The following SORCS1 variants were observed in gnomAD, a reference collection of about 807,000 sequenced individuals.
The protein encoded by SORCS1 is VPS10 domain-containing receptor SorCS1.
In SORCS1, 60 loss-of-function variants were observed where a neutral mutation model predicts 146.1. The ratio of observed to expected loss-of-function variants is 0.41; its 90% CI spans 0.33 to 0.51. The LOEUF (loss-of-function observed/expected upper bound fraction) is 0.51, where lower values mean the gene tolerates loss of function less well. Among genes scored for constraint, SORCS1 ranks in the 20% least tolerant of loss-of-function variants. The pLI is 0.21. For synonymous variants in SORCS1, 637 were observed against 584.0 expected (o/e 1.09, Z -1.31); for missense variants, 1,352 against 1,487.6 (o/e 0.91, Z 1.50).
intron 18 of SORCS1, among the ~76,000 whole-genome samples, chr10:106,641,918 T>G (rs2133682235): frequency 6.6e-6 from 1 of 152,296 alleles, no homozygotes; most frequent in South Asian, 2.1e-4. Flanking sequence ...GAGGTCCTAG[T>G]CAAACCAAAA....
At chr10:107,084,528 AAAG>A (rs921881885) in intron 1 of SORCS1, among the ~76,000 whole-genome samples, 11 of 152,166 alleles carry the variant, frequency 7.2e-5, no homozygotes, top group Non-Finnish European at 1.6e-4. Flanking sequence ...TGGGAAGAGA[AAAG>A]AGGGGAGAGA....
At chr10:106,743,993 G>A (rs898829495) in intron 5 of SORCS1, among the ~76,000 whole-genome samples, 4 of 152,012 alleles carry the variant, frequency 2.6e-5, no homozygotes, top group East Asian at 1.9e-4. Context: ...CGTAACACAC[G>A]ATGTAATATT....
At chr10:106,711,951 G>C (rs776365397) in intron 6 of SORCS1, among the ~76,000 whole-genome samples, 1 of 152,146 alleles carries the variant, frequency 6.6e-6, no homozygotes, top group African/African-American at 2.4e-5. Flanking sequence ...GATTTATGAC[G>C]ATAAGAACTG....
At chr10:106,691,724 T>G (rs934175694) in intron 9 of SORCS1, among the ~76,000 whole-genome samples, 4 of 152,058 alleles carry the variant, frequency 2.6e-5, no homozygotes, top group African/African-American at 9.7e-5. Context: ...CTCATAAACC[T>G]TTTCCAAAAA....
At chr10:107,015,488 G>A (rs1044139348) in intron 1 of SORCS1, among the ~76,000 whole-genome samples, 2 of 152,212 alleles carry the variant, frequency 1.3e-5, no homozygotes, top group African/African-American at 4.8e-5. Flanking sequence ...AAGGCAGCGG[G>A]ACAGTGAGTA....
intron 5 of SORCS1, among the ~76,000 whole-genome samples, chr10:106,736,569 C>T (rs1856958933): frequency 7.8e-6 from 1 of 128,312 alleles, no homozygotes; most frequent in South Asian, 2.7e-4. Context: ...TATAATTAGG[C>T]CCTCAGAAAA....
At chr10:106,759,841 A>T (rs1283081407) in intron 5 of SORCS1, among the ~76,000 whole-genome samples, 1 of 152,136 alleles carries the variant, frequency 6.6e-6, no homozygotes, top group Non-Finnish European at 1.5e-5. Flanking sequence ...CATAAGATTT[A>T]CCTCCAATCT....
chr10:106,576,241 G>C lies in SORCS1; in HGVS notation c.*1179C>G, dbSNP rs1417557533. Reference sequence around the variant, plus strand: ...CACAGAAGCTGGCATGCTTGGGAATGTACAAAACTGACAAAGGGCTCAGAA... The same window carrying C: ...CACAGAAGCTGGCATGCTTGGGAATCTACAAAACTGACAAAGGGCTCAGAA... On this transcript the variant is annotated 3_prime_UTR_variant, in exon 26 of 26. Coordinates refer to ENST00000263054, the MANE Select transcript of SORCS1 (RefSeq NM_052918.5). 6.6e-6 allele frequency: 1 copy of C among 152,664 alleles called. No homozygotes were observed. Among genetic ancestry groups the C allele is most frequent in the Non-Finnish European group, 1.5e-5 (1 of 68,420 alleles). The allele number at this position is 152,664 out of a possible 1,614,324, so 9.5% of individuals were successfully genotyped here.
At chr10:107,003,578 G>A (rs576680863) in intron 1 of SORCS1, among the ~76,000 whole-genome samples, 26 of 151,970 alleles carry the variant, frequency 1.7e-4, no homozygotes, top group Non-Finnish European at 2.9e-4. Flanking sequence ...CATTCTTAGT[G>A]TCTATTTCAG....
At chr10:106,988,629 G>C (rs947102688) in intron 1 of SORCS1, among the ~76,000 whole-genome samples, 13 of 151,974 alleles carry the variant, frequency 8.6e-5, no homozygotes, top group Admixed American at 2.6e-4. Flanking sequence ...TGCCTTTCCA[G>C]AATTATACAC....
At chr10:106,927,416 A>C (rs1354981584) in intron 2 of SORCS1, among the ~76,000 whole-genome samples, 1 of 151,884 alleles carries the variant, frequency 6.6e-6, no homozygotes, top group Non-Finnish European at 1.5e-5. Context: ...GAAGCTGCAG[A>C]CCTTGGCGGT....
At chr10:106,603,168 G>A (rs1846355778) in intron 23 of SORCS1, among the ~76,000 whole-genome samples, 1 of 152,192 alleles carries the variant, frequency 6.6e-6, no homozygotes, top group South Asian at 2.1e-4. Flanking sequence ...CTCCCTACAG[G>A]AGAGACAGAA....
intron 8 of SORCS1, among the ~76,000 whole-genome samples, chr10:106,699,888 T>C (rs1383253089): frequency 6.6e-6 from 1 of 152,154 alleles, no homozygotes; most frequent in Non-Finnish European, 1.5e-5. Context: ...GGGCCTCACC[T>C]GGTGAATCAA....
chr10:106,955,512 C>T (rs565693389), intron 2 of SORCS1, among the ~76,000 whole-genome samples: 3 of 152,318 alleles, frequency 2.0e-5, no homozygotes, highest in South Asian at 2.1e-4. Context: ...GAGGCACTGC[C>T]GGCTGTGGAG....
At chr10:106,663,073 T>C (rs921398746) in intron 17 of SORCS1, among the ~76,000 whole-genome samples, 2 of 152,218 alleles carry the variant, frequency 1.3e-5, no homozygotes, top group Admixed American at 1.3e-4. Flanking sequence ...TAACAAGTTT[T>C]ATGGGATGAG....
intron 1 of SORCS1, among the ~76,000 whole-genome samples, chr10:107,016,658 A>G (rs1489662238): frequency 6.6e-6 from 1 of 152,254 alleles, no homozygotes; most frequent in Non-Finnish European, 1.5e-5. Flanking sequence ...ACTAACCATA[A>G]AAGCAAAAAC....
intron 1 of SORCS1, among the ~76,000 whole-genome samples, chr10:106,998,916 T>C (rs1470649091): frequency 6.6e-6 from 1 of 152,208 alleles, no homozygotes; most frequent in African/African-American, 2.4e-5. Flanking sequence ...AAGAAGTATG[T>C]CCTTGTATTA....
intron 2 of SORCS1, among the ~76,000 whole-genome samples, chr10:106,897,191 G>GT (rs1218059064): frequency 6.8e-6 from 1 of 147,552 alleles, no homozygotes; most frequent in African/African-American, 2.5e-5. Context: ...TGTTTTGTTT[G>GT]TTTTTTAAAG....
the SORCS1 span, among the ~76,000 whole-genome samples, chr10:107,172,351 G>T: frequency 3.6e-4 from 54 of 152,100 alleles, no homozygotes; most frequent in African/African-American, 1.2e-3. Flanking sequence ...CTAGATCTTG[G>T]CATGATATTA....
Sources: allele counts gnomAD v4.1 joint callset (sites outside exome capture counted in the v4.1 genomes callset), GRCh38; gene constraint gnomAD v4.1.1; transcripts MANE v1.5; gene names NCBI Gene and HGNC (gene_info 2026-07-23, HGNC 2026-07-21).